SULT2B1: variants seen among roughly 807,000 people sequenced by gnomAD.
SULT2B1 encodes sulfotransferase family 2B member 1, also known as sulfotransferase 2B1.
In SULT2B1, 16 loss-of-function variants were observed where a neutral mutation model predicts 33.2. The observed-to-expected ratio is 0.48, with a 90% CI of 0.33 to 0.73. SULT2B1 has a LOEUF of 0.73. Ranked by LOEUF, SULT2B1 falls within the 30% of genes least tolerant of loss-of-function variation. SULT2B1 has a pLI of 0.02. For synonymous variants in SULT2B1, 186 were observed against 200.5 expected, an observed-to-expected ratio of 0.93 and a Z score of 0.61; for missense variants, 500 against 506.0, an observed-to-expected ratio of 0.99 and a Z score of 0.11.
In SULT2B1 at chr19:48,592,668, G is replaced by A. The variant is rs185763876; in HGVS notation, c.551-54G>A. On this transcript the variant is annotated intron_variant, in intron 4 of 6. Coordinates refer to ENST00000201586, the MANE Select transcript of SULT2B1 (RefSeq NM_177973.2). ...TAGTTAGACCCATGAGCCCCAGTGG[G>A]GCTGGGGGAACCCCGCCACTCAGCC... The A allele has an allele frequency of 4.1e-6, 6 of 1,480,198 alleles. No individual in the cohort carries two copies. The East Asian group carries it at 1.5e-4, about 36-fold the overall frequency. 91.7% of individuals were successfully genotyped at this position (1,480,198 alleles called of 1,614,324 possible). A position where few individuals can be genotyped will look rare whatever the true frequency, so the allele number is the denominator to read the frequency against.
At chr19:48,578,725 A>C (rs1375049030) in intron 2 of SULT2B1, among the ~76,000 whole-genome samples, 1 of 151,874 alleles carries the variant, frequency 6.6e-6, no homozygotes, top group East Asian at 1.9e-4. Flanking sequence ...AAAAATGCAA[A>C]AACTATCCAG....
At chr19:48,581,273 A>G (rs957814098) in intron 2 of SULT2B1, among the ~76,000 whole-genome samples, 1 of 145,390 alleles carries the variant, frequency 6.9e-6, no homozygotes, top group Non-Finnish European at 1.5e-5. Context: ...CGAACTCCCA[A>G]TCTCAGGTGA....
At chr19:48,587,719 A>G (rs558574041) in intron 3 of SULT2B1, among the ~76,000 whole-genome samples, 1 of 151,372 alleles carries the variant, frequency 6.6e-6, no homozygotes, top group South Asian at 2.1e-4. Context: ...TAGTCAGACC[A>G]CATCATTACA....
At chr19:48,572,822 TGGA>T (rs1007171287) in intron 1 of SULT2B1, among the ~76,000 whole-genome samples, 27 of 151,506 alleles carry the variant, frequency 1.8e-4, no homozygotes, top group African/African-American at 6.5e-4. Context: ...CAGTAGTCCA[TGGA>T]GGAGGGAGGC....
intron 5 of SULT2B1, among the ~76,000 whole-genome samples, chr19:48,594,631 G>A (rs1230371949): frequency 1.3e-5 from 2 of 152,224 alleles, no homozygotes; most frequent in African/African-American, 4.8e-5. Flanking sequence ...GTAAAGAGAA[G>A]GAAGGTTATG....
chr19:48,570,729 TG>T (rs1420577576), intron 1 of SULT2B1, among the ~76,000 whole-genome samples: 3 of 95,130 alleles, frequency 3.2e-5, no homozygotes, highest in African/African-American at 9.6e-5. Flanking sequence ...TTTTTGTTTT[TG>T]TTTTTTTTTT....
chr19:48,579,903 G>A (rs1973463977), intron 2 of SULT2B1, among the ~76,000 whole-genome samples: 1 of 151,822 alleles, frequency 6.6e-6, no homozygotes, highest in Non-Finnish European at 1.5e-5. Context: ...CACTGCTCTC[G>A]GCCTTGCATG....
chr19:48,554,025 A>G (rs1973061297), intron 1 of SULT2B1, among the ~76,000 whole-genome samples: 1 of 151,438 alleles, frequency 6.6e-6, no homozygotes, highest in Non-Finnish European at 1.5e-5. Flanking sequence ...GCCCTGAGTG[A>G]CCTCGCTAAG....
intron 2 of SULT2B1, among the ~76,000 whole-genome samples, chr19:48,583,043 T>C (rs1377893621): frequency 6.8e-6 from 1 of 146,562 alleles, no homozygotes; most frequent in Non-Finnish European, 1.5e-5. Flanking sequence ...CCCAGCTACT[T>C]GGGAGGCTGA....
chr19:48,593,620 ATTTAT>A (rs913734415), intron 5 of SULT2B1, among the ~76,000 whole-genome samples: 2 of 151,738 alleles, frequency 1.3e-5, no homozygotes, highest in Non-Finnish European at 2.9e-5. Flanking sequence ...ATTTATTTTT[ATTTAT>A]TTTATTTAAT....
chr19:48,577,352 C>CGTCTTTTTTT (rs1973427352), intron 2 of SULT2B1, among the ~76,000 whole-genome samples: 1 of 30,636 alleles, frequency 3.3e-5, no homozygotes, highest in Non-Finnish European at 5.6e-5. Context: ...ACTGAGCCGT[C>CGTCTTTTTTT]TTTTTTTTTT....
intron 5 of SULT2B1, among the ~76,000 whole-genome samples, chr19:48,593,616 TTTTA>T (rs1428439974): frequency 1.3e-5 from 2 of 151,252 alleles, no homozygotes; most frequent in South Asian, 2.1e-4. Flanking sequence ...TTTTATTTAT[TTTTA>T]TTTATTTTAT....
At chr19:48,572,411 G>A (rs1355411480) in intron 1 of SULT2B1, among the ~76,000 whole-genome samples, 1 of 152,186 alleles carries the variant, frequency 6.6e-6, no homozygotes, top group Admixed American at 6.5e-5. Flanking sequence ...TACTAGGGAG[G>A]CTGAGGCAGG....
chr19:48,588,329 A>G (rs1215453168), intron 3 of SULT2B1, among the ~76,000 whole-genome samples: 3 of 151,944 alleles, frequency 2.0e-5, no homozygotes, highest in African/African-American at 4.8e-5. Flanking sequence ...CCTGACCAAC[A>G]TGGAGAAAAC....
chr19:48,588,930 G>C (rs1973605152), intron 3 of SULT2B1, among the ~76,000 whole-genome samples: 1 of 152,222 alleles, frequency 6.6e-6, no homozygotes, highest in African/African-American at 2.4e-5. Flanking sequence ...AGGTCCGGGT[G>C]GGGAGGCAAC....
At chr19:48,589,922 A>G (rs1215510367) in intron 3 of SULT2B1, among the ~76,000 whole-genome samples, 1 of 152,230 alleles carries the variant, frequency 6.6e-6, no homozygotes, top group Non-Finnish European at 1.5e-5. Flanking sequence ...ATTGTGCCAC[A>G]GGCACTCCAG....
intron 3 of SULT2B1, among the ~76,000 whole-genome samples, chr19:48,590,358 T>C: frequency 6.6e-6 from 1 of 151,606 alleles, no homozygotes; most frequent in East Asian, 2.0e-4. Context: ...TCCCAGCACT[T>C]GGGGAGGCCG....
chr19:48,579,428 G>A (rs1318171192), intron 2 of SULT2B1, among the ~76,000 whole-genome samples: 2 of 150,768 alleles, frequency 1.3e-5, no homozygotes, highest in African/African-American at 2.4e-5. Flanking sequence ...GACTACAGGC[G>A]CCCACCACCA....
chr19:48,552,276 G>T lies in SULT2B1; in HGVS notation c.24G>T (p.Gln8His), dbSNP rs1434381934. The change falls in exon 1 of 7, where the codon CAG (glutamine) becomes CAT (histidine). Residue 8 changes from glutamine (Q) to histidine (H), a missense_variant. Gln to His is a conservative substitution (Grantham distance 24). Coordinates refer to ENST00000201586, the MANE Select transcript of SULT2B1 (RefSeq NM_177973.2). The surrounding 1 kb of genome is among the most constrained non-coding windows in gnomAD (Gnocchi z 4.8). MDGPAEP[Q>H]IPGLWDTYED... ...CCATGGACGGGCCCGCCGAGCCCCA[G>T]ATCCCGGGCTTGTGGGACACCTATG... is the stretch of plus-strand genomic sequence containing the variant. 3 of 1,613,874 alleles carry T rather than the reference G, an allele frequency of 1.9e-6. No homozygotes were observed. Among genetic ancestry groups the T allele is most frequent in the East Asian group, 2.2e-5 (1 of 44,878 alleles).
Sources: gnomAD v4.1 joint callset for allele counts (sites outside exome capture counted in the v4.1 genomes callset) on GRCh38, gnomAD v4.1.1 for gene constraint, Gnocchi (gnomAD v3.1) non-coding constraint, MANE v1.5 for transcripts, NCBI Gene and HGNC (gene_info 2026-07-23, HGNC 2026-07-21) for gene names.